Variants in SUGCT observed in about 807,000 individuals in gnomAD.
The protein encoded by SUGCT is succinyl-CoA:glutarate CoA-transferase.
Under a neutral mutation model 55.0 loss-of-function variants are expected in SUGCT, and 41 were observed. The observed-to-expected ratio is 0.74, with a 90% CI of 0.58 to 0.97. The LOEUF is 0.97. Ranked by LOEUF, SUGCT falls within the 50% of genes least tolerant of loss-of-function variation. SUGCT has a pLI of 0.00. For synonymous variants in SUGCT, 187 were observed against 200.4 expected (o/e 0.93, Z 0.56); for missense variants, 568 against 547.8 (o/e 1.04, Z -0.37).
the SUGCT span, among the ~76,000 whole-genome samples, chr7:41,016,926 A>G: frequency 6.6e-6 from 1 of 152,222 alleles, no homozygotes; most frequent in African/African-American, 2.4e-5. Flanking sequence ...AATAGTAACT[A>G]CAAATCAACC....
At chr7:40,966,396 T>G in the SUGCT span, 2 of 152,258 alleles carry the variant, frequency 1.3e-5, no homozygotes, top group Non-Finnish European at 2.9e-5. Context: ...GTTTTCTTTC[T>G]GGTAATTGAC....
chr7:40,148,949 C>A (rs1156410412), intron 1 of SUGCT, among the ~76,000 whole-genome samples: 2 of 152,104 alleles, frequency 1.3e-5, no homozygotes, highest in South Asian at 4.1e-4. Flanking sequence ...TCTTGGTCTT[C>A]CAGGGAGGGG....
At chr7:40,408,882 T>G (rs550139196) in intron 9 of SUGCT, among the ~76,000 whole-genome samples, 1 of 152,364 alleles carries the variant, frequency 6.6e-6, no homozygotes, top group African/African-American at 2.4e-5. Context: ...TGAACTTATT[T>G]TATGAACAGA....
chr7:40,473,873 G>T (rs549875538), intron 11 of SUGCT, among the ~76,000 whole-genome samples: 3 of 152,162 alleles, frequency 2.0e-5, no homozygotes, highest in South Asian at 2.1e-4. Context: ...TGGCTGACAG[G>T]GTGGGTAAAA....
downstream of SUGCT, among the ~76,000 whole-genome samples, chr7:40,865,748 T>C (rs903484266): frequency 4.6e-5 from 7 of 152,280 alleles, no homozygotes; most frequent in Admixed American, 3.9e-4. Flanking sequence ...TCTTACTCTT[T>C]CTTAGCAAAG....
intron 12 of SUGCT, among the ~76,000 whole-genome samples, chr7:40,718,720 C>CT (rs1157560594): frequency 2.6e-5 from 4 of 152,068 alleles, no homozygotes; most frequent in East Asian, 1.9e-4. Flanking sequence ...TTTGCATTGA[C>CT]TTTTTTTCAG....
chr7:40,325,856 T>C (rs1562682559), intron 9 of SUGCT, among the ~76,000 whole-genome samples: 1 of 150,440 alleles, frequency 6.6e-6, no homozygotes, highest in South Asian at 2.1e-4. Context: ...ATTTCTTTTC[T>C]GACTGTATCC....
At chr7:40,676,596 G>A (rs1584256853) in intron 12 of SUGCT, among the ~76,000 whole-genome samples, 1 of 149,296 alleles carries the variant, frequency 6.7e-6, no homozygotes, top group Non-Finnish European at 1.5e-5. Context: ...TCCGCCTCCC[G>A]GGTTCAAGCG....
intron 9 of SUGCT, among the ~76,000 whole-genome samples, chr7:40,411,582 T>C (rs1002577025): frequency 6.6e-5 from 10 of 152,040 alleles, no homozygotes; most frequent in African/African-American, 1.7e-4. Flanking sequence ...CTTAAGAAGA[T>C]AGAAGTAGAT....
At chr7:41,014,609 C>T in the SUGCT span, among the ~76,000 whole-genome samples, 16 of 152,156 alleles carry the variant, frequency 1.1e-4, no homozygotes, top group Non-Finnish European at 1.8e-4. Flanking sequence ...CCTGGAGCTG[C>T]GGATCACCAA....
intron 12 of SUGCT, among the ~76,000 whole-genome samples, chr7:40,687,345 G>A (rs1464972962): frequency 6.6e-6 from 1 of 152,166 alleles, no homozygotes; most frequent in Admixed American, 6.6e-5. Context: ...TTTGAGTTTT[G>A]TCTCCTTTTC....
At chr7:40,412,741 T>C (rs1786765027) in intron 9 of SUGCT, among the ~76,000 whole-genome samples, 1 of 152,178 alleles carries the variant, frequency 6.6e-6, no homozygotes, top group African/African-American at 2.4e-5. Flanking sequence ...TTAGACTGTA[T>C]TAAGGCATTC....
At chr7:40,738,285 C>T (rs1343809631) in intron 12 of SUGCT, among the ~76,000 whole-genome samples, 1 of 150,450 alleles carries the variant, frequency 6.6e-6, no homozygotes, top group Admixed American at 6.6e-5. Flanking sequence ...CTCAATCAAT[C>T]TCAAACACAG....
chr7:40,270,910 T>A (rs1791959011), intron 7 of SUGCT, among the ~76,000 whole-genome samples: 1 of 152,178 alleles, frequency 6.6e-6, no homozygotes, highest in South Asian at 2.1e-4. Context: ...AGTTTGTACT[T>A]CTTTTGTTAA....
At chr7:40,521,614 G>C (rs1793532104) in intron 12 of SUGCT, among the ~76,000 whole-genome samples, 1 of 152,090 alleles carries the variant, frequency 6.6e-6, no homozygotes, top group African/African-American at 2.4e-5. Flanking sequence ...AATAAAGACT[G>C]TAGCAGCTAT....
At chr7:40,653,233 T>G (rs531087592) in intron 12 of SUGCT, among the ~76,000 whole-genome samples, 1 of 152,192 alleles carries the variant, frequency 6.6e-6, no homozygotes, top group Non-Finnish European at 1.5e-5. Context: ...TGGCATATAT[T>G]AAATGCATTT....
intron 10 of SUGCT, among the ~76,000 whole-genome samples, chr7:40,452,794 G>A (rs1789261392): frequency 6.6e-6 from 1 of 152,122 alleles, no homozygotes; most frequent in East Asian, 1.9e-4. Context: ...TGAAGATTCT[G>A]GTTCTGAGGA....
Position 40,383,018 on chromosome 7 carries a change from A to G in SUGCT, c.816+66163A>G, listed in dbSNP as rs1194756552. Among the ~76,000 whole-genome samples, 11 of 152,172 alleles carry G rather than the reference A, an allele frequency of 7.2e-5. No individual in the cohort carries two copies. In the East Asian group the frequency reaches 2.1e-3, roughly 29 times the overall value. ...AATTAAATTGTCAGAAATAAATAGA[A>G]ATTGTAAGTATGACACCCCCTGCAA... On this transcript the variant is annotated intron_variant, in intron 9 of 13. Transcript: ENST00000335693.
chr7:40,652,705 T>C (rs1484340251), intron 12 of SUGCT, among the ~76,000 whole-genome samples: 2 of 152,220 alleles, frequency 1.3e-5, no homozygotes, highest in African/African-American at 4.8e-5. Context: ...ATTGCACTGG[T>C]TGCTTCCACC....
Sources: allele counts gnomAD v4.1 joint callset (sites outside exome capture counted in the v4.1 genomes callset), GRCh38; gene constraint gnomAD v4.1.1; transcripts MANE v1.5; gene names NCBI Gene and HGNC (gene_info 2026-07-23, HGNC 2026-07-21).